CA4: variants seen among roughly 807,000 people sequenced by gnomAD.
The protein encoded by CA4 is carbonic anhydrase 4, also known as CA-IV.
Under a neutral mutation model 34.5 loss-of-function variants are expected in CA4, and 24 were observed. The observed-to-expected ratio is 0.70, with a 90% confidence interval of 0.50 to 0.98. CA4 has a LOEUF of 0.98. CA4 is among the 50% of genes least tolerant of loss of function. CA4 has a pLI of 0.00. For missense variants in CA4, 394 were observed against 396.7 expected (o/e 0.99, Z 0.06); for synonymous variants, 178 against 170.6 (o/e 1.04, Z -0.34).
downstream of CA4, among the ~76,000 whole-genome samples, chr17:60,175,840 C>T (rs760068610): frequency 1.5e-5 from 2 of 137,586 alleles, no homozygotes; most frequent in South Asian, 2.3e-4. Flanking sequence ...TTTTTTGAGA[C>T]GGAGTTTCGC....
In CA4 at chr17:60,159,448, C is replaced by G. The variant is rs1376917977; in HGVS notation, c.*24C>G. On this transcript the variant is annotated 3_prime_UTR_variant, in exon 8 of 8. Transcript: ENST00000300900. ...GATGGCTCACTTCTGCACGCAGCCT[C>G]TCTGTTGCCTCAGCTCTCCAAGTTC... 4.4e-6 allele frequency: 7 copies of G among 1,606,724 alleles called. No individual in the cohort carries two copies. Among genetic ancestry groups the G allele is most frequent in the East Asian group, 2.2e-5 (1 of 44,790 alleles).
chr17:60,159,899 C>T (rs1012058247), downstream of CA4, among the ~76,000 whole-genome samples: 1 of 152,090 alleles, frequency 6.6e-6, no homozygotes, highest in Non-Finnish European at 1.5e-5. Flanking sequence ...TGGCACGTTG[C>T]GAGGCAGAGG....
chr17:60,176,389 A>T, the CA4 span, among the ~76,000 whole-genome samples: 3 of 151,742 alleles, frequency 2.0e-5, no homozygotes, highest in Non-Finnish European at 4.4e-5. Context: ...AGGGTGAAGG[A>T]CCTACAGCTG....
chr17:60,173,967 T>C, downstream of CA4, among the ~76,000 whole-genome samples: 1 of 152,292 alleles, frequency 6.6e-6, no homozygotes, highest in South Asian at 2.1e-4. Flanking sequence ...CTCACTCCCC[T>C]ATTGTTTGGG....
At chr17:60,175,819 ATT>A (rs759618128), downstream of CA4, among the ~76,000 whole-genome samples, 33 of 138,332 alleles carry the variant, frequency 2.4e-4, no homozygotes, top group African/African-American at 6.8e-4. Context: ...CATTTTATAC[ATT>A]TTTTTTTTTT....
chr17:60,173,872 C>T (rs774008288), downstream of CA4, among the ~76,000 whole-genome samples: 14 of 152,204 alleles, frequency 9.2e-5, no homozygotes, highest in Non-Finnish European at 1.6e-4. Context: ...AAGCTGCTGG[C>T]TGATTCCGAT....
chr17:60,171,607 G>GC (rs2145313776), downstream of CA4, among the ~76,000 whole-genome samples: 1 of 152,340 alleles, frequency 6.6e-6, no homozygotes, highest in South Asian at 2.1e-4. Flanking sequence ...CCCTACTGGA[G>GC]CACTGTGTGC....
At chr17:60,150,370 C>A (rs920102568) in intron 1 of CA4, among the ~76,000 whole-genome samples, 9 of 152,112 alleles carry the variant, frequency 5.9e-5, no homozygotes, top group African/African-American at 2.2e-4. Flanking sequence ...AGTTGGGAGT[C>A]CCTGATAAGG....
intron 5 of CA4, among the ~76,000 whole-genome samples, chr17:60,166,418 G>C (rs2083856195): frequency 6.6e-6 from 1 of 152,128 alleles, no homozygotes. Context: ...TTGAATTTTT[G>C]ACTGTGTGTC....
downstream of CA4, among the ~76,000 whole-genome samples, chr17:60,175,570 A>C (rs548330986): frequency 7.4e-6 from 1 of 134,700 alleles, no homozygotes; most frequent in Non-Finnish European, 1.6e-5. Flanking sequence ...GTCTCTATTT[A>C]AAAAAAAAAA....
intron 1 of CA4, among the ~76,000 whole-genome samples, chr17:60,151,995 G>A (rs114325564): frequency 6.6e-6 from 1 of 152,142 alleles, no homozygotes. Flanking sequence ...GTCCCTCAGA[G>A]GGGGAGGTGG....
intron 5 of CA4, among the ~76,000 whole-genome samples, chr17:60,165,227 G>A (rs1369382592): frequency 6.6e-6 from 1 of 152,006 alleles, no homozygotes; most frequent in Non-Finnish European, 1.5e-5. Context: ...CCTATCCAAG[G>A]GAGAAAACTT....
downstream of CA4, among the ~76,000 whole-genome samples, chr17:60,173,674 C>A (rs2083932809): frequency 6.6e-6 from 1 of 152,214 alleles, no homozygotes; most frequent in South Asian, 2.1e-4. Context: ...TTCCCTGGAG[C>A]AGTGGTTTCC....
downstream of CA4, among the ~76,000 whole-genome samples, chr17:60,161,092 T>C (rs1395417593): frequency 6.6e-6 from 1 of 151,974 alleles, no homozygotes; most frequent in Non-Finnish European, 1.5e-5. Flanking sequence ...GGAGAGCTCA[T>C]GGGGGTGTCC....
At chr17:60,155,242 C>A in intron 1 of CA4, 72 bp from the exon 2 acceptor site, 1 of 1,447,342 alleles carries the variant, frequency 6.9e-7, no homozygotes, top group Non-Finnish European at 9.6e-7. Context: ...TAGGCCCAGC[C>A]TCTGATCCTC....
At position 60,159,136 on chromosome 17, in the gene CA4, G is replaced by T. The variant is rs1240896459; in HGVS notation, c.745-94G>T. 3.6e-6 allele frequency: 4 copies of T among 1,099,144 alleles called. No individual in the cohort carries two copies. The African/African-American group carries it at 4.7e-5, about 13-fold the overall frequency. 68.1% of individuals were successfully genotyped at this position (1,099,144 alleles called of 1,614,324 possible). A position where few individuals can be genotyped will look rare whatever the true frequency, so the allele number is the denominator to read the frequency against. ...TCAGAGCCCCTCTTTCCTAATGAGG[G>T]CTCCCAGGACAGGATGAGGTGCCTG... is the stretch of plus-strand genomic sequence containing the variant. On this transcript the variant is annotated intron_variant, in intron 7 of 7. Transcript: ENST00000300900.
intron 1 of CA4, among the ~76,000 whole-genome samples, chr17:60,152,543 G>T (rs1242576084): frequency 6.6e-6 from 1 of 152,320 alleles, no homozygotes; most frequent in African/African-American, 2.4e-5. Flanking sequence ...GCCTGGACCA[G>T]ATGGGCCCCA....
chr17:60,159,820 A>G (rs1238644828), downstream of CA4, among the ~76,000 whole-genome samples: 1 of 152,190 alleles, frequency 6.6e-6, no homozygotes, highest in African/African-American at 2.4e-5. Flanking sequence ...TCTTCATCAT[A>G]TAGAGGGGGA....
chr17:60,159,466 C>T lies in CA4; in HGVS notation c.*42C>T, dbSNP rs977820796. The T allele has an allele frequency of 1.3e-6, 2 of 1,597,366 alleles. No homozygotes were observed. The highest frequency in any genetic ancestry group is 2.7e-5 in the African/African-American group (2 of 74,612). ...GCAGCCTCTCTGTTGCCTCAGCTCT[C>T]CAAGTTCCAGGCTTCCGGTCCTTAG... is the stretch of plus-strand genomic sequence containing the variant. On this transcript the variant is annotated 3_prime_UTR_variant, in exon 8 of 8. Transcript: ENST00000300900.
Sources: allele counts gnomAD v4.1 joint callset (sites outside exome capture counted in the v4.1 genomes callset), GRCh38; gene constraint gnomAD v4.1.1; transcripts MANE v1.5; gene names NCBI Gene and HGNC (gene_info 2026-07-23, HGNC 2026-07-21).